Variants in PVT1 observed in about 807,000 individuals in gnomAD.
PVT1 encodes the protein Pvt1 oncogene, also known as CXCR4/PVT1 fusion.
chr8:127,921,078 G>T (rs1338519411), intron 3 of PVT1, among the ~76,000 whole-genome samples: 3 of 152,208 alleles, frequency 2.0e-5, no homozygotes, highest in Non-Finnish European at 2.9e-5. Flanking sequence ...AGGAACAGGG[G>T]TTTTTCTCTC....
intron 2 of PVT1, among the ~76,000 whole-genome samples, chr8:127,819,625 G>A (rs1031835405): frequency 5.3e-5 from 8 of 152,178 alleles, no homozygotes; most frequent in Non-Finnish European, 7.3e-5. Flanking sequence ...GATGTGCAAT[G>A]CGGAAGAGCC....
intron 3 of PVT1, among the ~76,000 whole-genome samples, chr8:127,974,965 T>G (rs1236610709): frequency 2.0e-5 from 3 of 152,224 alleles, no homozygotes; most frequent in Non-Finnish European, 4.4e-5. Flanking sequence ...TGATGTACCC[T>G]AAATATTTTT....
intron 3 of PVT1, among the ~76,000 whole-genome samples, chr8:127,964,958 C>A (rs1816688272): frequency 6.6e-6 from 1 of 152,178 alleles, no homozygotes; most frequent in Non-Finnish European, 1.5e-5. Context: ...CCACTCCTAT[C>A]CAAGATTCTT....
chr8:128,018,123 C>T (rs771999712), intron 4 of PVT1, among the ~76,000 whole-genome samples: 7 of 152,026 alleles, frequency 4.6e-5, no homozygotes, highest in African/African-American at 9.7e-5. Flanking sequence ...CCCTCCAGCA[C>T]GTGCACAGAA....
At chr8:128,066,350 G>GGCCT (rs1813910553) in intron 4 of PVT1, among the ~76,000 whole-genome samples, 1 of 152,218 alleles carries the variant, frequency 6.6e-6, no homozygotes, top group African/African-American at 2.4e-5. Flanking sequence ...GCTGATCAGT[G>GGCCT]CTATGTGTAG....
chr8:127,807,316 G>A (rs538680120), intron 2 of PVT1, among the ~76,000 whole-genome samples: 1 of 151,190 alleles, frequency 6.6e-6, no homozygotes, highest in East Asian at 1.9e-4. Flanking sequence ...TGCCTTTATT[G>A]CTTTTTTTAA....
At chr8:128,068,413 G>A (rs1813938072) in intron 4 of PVT1, among the ~76,000 whole-genome samples, 1 of 152,124 alleles carries the variant, frequency 6.6e-6, no homozygotes, top group African/African-American at 2.4e-5. Context: ...GTCCCTGGGA[G>A]TCACAGTGAT....
Position 127,925,367 on chromosome 8 carries a change from T to G in PVT1, n.782+34369T>G, listed in dbSNP as rs1816116953. Reference sequence around the variant, plus strand: ...AGTTGAAAAAATCAAAAAAATCTAGTTGAAAAATCCAGCATCATGTGATTA... The same window carrying G: ...AGTTGAAAAAATCAAAAAAATCTAGGTGAAAAATCCAGCATCATGTGATTA... On this transcript the variant is annotated intron_variant and non_coding_transcript_variant, in intron 3 of 10. Transcript: ENST00000651587. 2.0e-5 allele frequency among the ~76,000 whole-genome samples: 3 copies of G among 152,208 alleles called. No individual in the cohort carries two copies. The South Asian group carries it at 6.2e-4, about 31-fold the overall frequency.
intron 4 of PVT1, among the ~76,000 whole-genome samples, chr8:128,004,259 A>G (rs920893514): frequency 2.0e-5 from 3 of 152,194 alleles, no homozygotes; most frequent in African/African-American, 7.2e-5. Flanking sequence ...GTGAATTATA[A>G]TGAACATTAG....
chr8:128,000,520 G>A (rs994113035), intron 4 of PVT1, among the ~76,000 whole-genome samples: 1 of 152,214 alleles, frequency 6.6e-6, no homozygotes, highest in Non-Finnish European at 1.5e-5. Flanking sequence ...CAGTATAAAG[G>A]GGGAAATGGC....
intron 3 of PVT1, among the ~76,000 whole-genome samples, chr8:127,961,960 G>C (rs1456696718): frequency 6.6e-6 from 1 of 152,234 alleles, no homozygotes; most frequent in Non-Finnish European, 1.5e-5. Flanking sequence ...TTGTGAGGAC[G>C]AAGGAGATAA....
intron 3 of PVT1, chr8:127,939,831 A>G (rs1327690376): frequency 1.3e-5 from 2 of 152,250 alleles, no homozygotes; most frequent in Non-Finnish European, 2.9e-5. Flanking sequence ...CTTCTAGGTA[A>G]GTCCAAAGGC....
intron 3 of PVT1, among the ~76,000 whole-genome samples, chr8:127,911,401 C>T (rs891311489): frequency 2.0e-5 from 3 of 152,196 alleles, no homozygotes; most frequent in African/African-American, 4.8e-5. Flanking sequence ...TCGGAGTGGC[C>T]GCCGGTCCCC....
At chr8:128,014,109 T>G (rs1817344596) in intron 4 of PVT1, among the ~76,000 whole-genome samples, 1 of 152,152 alleles carries the variant, frequency 6.6e-6, no homozygotes, top group Non-Finnish European at 1.5e-5. Flanking sequence ...GATAAATGGG[T>G]CAGTGTCTCT....
chr8:128,079,966 C>T (rs537806497), intron 5 of PVT1, among the ~76,000 whole-genome samples: 8 of 152,210 alleles, frequency 5.3e-5, no homozygotes, highest in Admixed American at 2.0e-4. Context: ...CCTCGTAATC[C>T]GCCCGCCTCG....
chr8:128,091,676 CAAGTGCTCTACCTTTA>C (rs1275835884), intron 5 of PVT1, among the ~76,000 whole-genome samples: 17 of 152,316 alleles, frequency 1.1e-4, no homozygotes, highest in African/African-American at 4.1e-4. Flanking sequence ...TGGGACAGAA[CAAGTGCTCTACCTTTA>C]AAGTTACTTA....
chr8:127,902,281 C>G (rs1207933082), intron 3 of PVT1, among the ~76,000 whole-genome samples: 1 of 152,136 alleles, frequency 6.6e-6, no homozygotes, highest in African/African-American at 2.4e-5. Flanking sequence ...TGAATGATAC[C>G]ACTGAGCATC....
At chr8:128,029,167 T>C (rs1258519027) in intron 4 of PVT1, among the ~76,000 whole-genome samples, 2 of 151,892 alleles carry the variant, frequency 1.3e-5, no homozygotes, top group African/African-American at 4.8e-5. Context: ...ATTTTATTTT[T>C]TGTAGAGTGC....
rs182331411 is a variant in PVT1, at chr8:127,936,209, C to T, written n.782+45211C>T. 9.5e-4 allele frequency among the ~76,000 whole-genome samples: 145 copies of T among 151,932 alleles called. No individual in the cohort carries two copies. In the Middle Eastern group the frequency reaches 0.01, roughly 11 times the overall value. On this transcript the variant is annotated intron_variant and non_coding_transcript_variant, in intron 3 of 10. Coordinates refer to ENST00000651587, the Ensembl canonical transcript of PVT1. ...TGGGATTACAGACATGCACCACCCA[C>T]GCCCGGCTAATTTTGTATTTTTAGG...
Sources: gnomAD v4.1 joint callset for allele counts (sites outside exome capture counted in the v4.1 genomes callset) on GRCh38, gnomAD v4.1.1 for gene constraint, MANE v1.5 for transcripts, NCBI Gene and HGNC (gene_info 2026-07-23, HGNC 2026-07-21) for gene names.